ITGB2: variants seen among roughly 807,000 people sequenced by gnomAD.
The protein encoded by ITGB2 is integrin subunit beta 2, also known as integrin beta-2.
ITGB2 carries 56 observed loss-of-function variants against 86.8 expected under a neutral mutation model. The ratio of observed to expected loss-of-function variants is 0.65; its 90% CI spans 0.52 to 0.81. ITGB2 has a LOEUF of 0.81. Ranked by LOEUF, ITGB2 falls within the 30% of genes least tolerant of loss-of-function variation. The pLI, the probability that ITGB2 is intolerant of heterozygous loss-of-function variation, is 0.00. For synonymous variants in ITGB2, 457 were observed against 450.4 expected (o/e 1.01, Z -0.19); for missense variants, 948 against 1,061.2 (o/e 0.89, Z 1.48).
In ITGB2 at chr21:44,897,131, C is replaced by T. The variant is rs539347169; in HGVS notation, c.993+1936G>A. 1.2e-4 allele frequency among the ~76,000 whole-genome samples: 18 copies of T among 152,328 alleles called. No individual in the cohort carries two copies. The East Asian group carries it at 1.7e-3, about 15-fold the overall frequency. ...ACACCTGCCCCCATCCCGTGTCTCC[C>T]GCAGGGTCCTGCTCCCACTCCAGAG... is the stretch of plus-strand genomic sequence containing the variant. On this transcript the variant is annotated intron_variant, in intron 8 of 15. Coordinates refer to ENST00000652462, the MANE Select transcript of ITGB2 (RefSeq NM_000211.5).
chr21:44,913,478 C>A (rs900931615), intron 1 of ITGB2, among the ~76,000 whole-genome samples: 1 of 152,188 alleles, frequency 6.6e-6, no homozygotes, highest in Non-Finnish European at 1.5e-5. Context: ...GGCACCCCAA[C>A]CTTGACCACA....
chr21:44,905,746 C>A (rs563167508), intron 4 of ITGB2, among the ~76,000 whole-genome samples: 35 of 152,266 alleles, frequency 2.3e-4, no homozygotes, highest in East Asian at 5.8e-4. Flanking sequence ...CCCAGGGACA[C>A]CTGGGCCCTG....
At chr21:44,921,743 C>G (rs1192926591), upstream of ITGB2, among the ~76,000 whole-genome samples, 2 of 152,168 alleles carry the variant, frequency 1.3e-5, no homozygotes, top group Non-Finnish European at 2.9e-5. Context: ...TTTTTTGAGA[C>G]AGAGTTTTGC....
rs151190686 is a variant in ITGB2, at chr21:44,899,399, G to A, written c.898-237C>T. 6.5e-3 allele frequency among the ~76,000 whole-genome samples: 987 copies of A among 152,338 alleles called. 9 individuals are homozygous for A. Among genetic ancestry groups the A allele is most frequent in the African/African-American group, 0.022 (913 of 41,580 alleles). ...TCCAGGCATGAGCAGCATTTGAGGCGTCTCACCGTGGGACTGGGGATGTCC... is the reference window on the plus strand; with the variant it reads ...TCCAGGCATGAGCAGCATTTGAGGCATCTCACCGTGGGACTGGGGATGTCC... On this transcript the variant is annotated intron_variant, in intron 7 of 15. Transcript: ENST00000652462.
chr21:44,895,128 T>C lies in ITGB2; in HGVS notation c.994-68A>G. ...GCCACGGCATCTCCACGCACTGGGCTCACCCCAGGGGCTTCTGCACCTGCA... is the reference window on the plus strand; with the variant it reads ...GCCACGGCATCTCCACGCACTGGGCCCACCCCAGGGGCTTCTGCACCTGCA... On this transcript the variant is annotated intron_variant, in intron 8 of 15. Transcript: ENST00000652462. 2.5e-6 allele frequency: 3 copies of C among 1,179,706 alleles called. No individual in the cohort carries two copies. The South Asian group carries it at 3.6e-5, about 14-fold the overall frequency. The allele number at this position is 1,179,706 out of a possible 1,614,324, so 73.1% of individuals were successfully genotyped here.
chr21:44,892,189 G>C (rs142872763), intron 10 of ITGB2, among the ~76,000 whole-genome samples, 193 bp from the exon 11 acceptor site: 2 of 152,200 alleles, frequency 1.3e-5, no homozygotes, highest in East Asian at 3.9e-4. Flanking sequence ...TGCTCTGCCC[G>C]CACTCCCGCA....
intron 1 of ITGB2, among the ~76,000 whole-genome samples, chr21:44,915,427 C>T (rs139878252): frequency 1.1e-4 from 17 of 152,264 alleles, no homozygotes; most frequent in Non-Finnish European, 1.5e-4. Flanking sequence ...CTTCCTCCTG[C>T]CTGTGCTGAA....
Position 44,890,180 on chromosome 21 carries a change from T to C in ITGB2, c.1455A>G (p.Thr485=), listed in dbSNP as rs1264501338. 6.2e-7 allele frequency: 1 copy of C among 1,613,130 alleles called. No individual in the cohort carries two copies. The highest frequency in any genetic ancestry group is 2.2e-5 in the East Asian group (1 of 44,876). ...GYIGKNCECQ[T]QGRSSQELEG... ...CCAGCTCCTGGCTGCTCCGGCCCTG[T>C]GTCTGGCACTCACAGTTTTTCCCAA... The change falls in exon 12 of 16, where the codon ACA becomes ACG. Residue 485 remains threonine (T), a synonymous_variant. Transcript: ENST00000652462.
intron 1 of ITGB2, among the ~76,000 whole-genome samples, chr21:44,918,401 G>T (rs2084242882): frequency 6.6e-6 from 1 of 152,252 alleles, no homozygotes; most frequent in African/African-American, 2.4e-5. Context: ...GCCCGGCCTG[G>T]GCCAGAGTGG....
rs2083767305 is a variant in ITGB2, at chr21:44,890,216, G to A, written c.1419C>T (p.Asp473=). The part of the protein sequence containing the change: ...GFLECGICRC[D]TGYIGKNCEC... ...CACAGTTTTTCCCAATGTAGCCAGTGTCACACCTGGGGACAGGAGGGGCCC... is the reference window on the plus strand; with the variant it reads ...CACAGTTTTTCCCAATGTAGCCAGTATCACACCTGGGGACAGGAGGGGCCC... The change falls in exon 12 of 16, where the codon GAC becomes GAT. Residue 473 remains aspartate (D), a synonymous_variant. Coordinates refer to ENST00000652462, the MANE Select transcript of ITGB2 (RefSeq NM_000211.5). 1 of 1,613,158 alleles carries A rather than the reference G, an allele frequency of 6.2e-7. No homozygotes were observed. The highest frequency in any genetic ancestry group is 8.5e-7 in the Non-Finnish European group (1 of 1,180,002).
chr21:44,906,478 C>T (rs76898275), intron 4 of ITGB2, among the ~76,000 whole-genome samples: 2 of 152,088 alleles, frequency 1.3e-5, no homozygotes, highest in East Asian at 3.9e-4. Flanking sequence ...CTGGTCAAGT[C>T]GAAACAGGTG....
At position 44,909,304 on chromosome 21, in the gene ITGB2, C is replaced by A. The variant is rs183026276; in HGVS notation, c.147+980G>T. The A allele has an allele frequency of 3.9e-4, 60 of 152,432 alleles. 1 individual carries two copies. The highest frequency in any genetic ancestry group is 1.4e-3 in the African/African-American group (57 of 41,582). The allele number at this position is 152,432 out of a possible 1,614,324, so 9.4% of individuals were successfully genotyped here. On this transcript the variant is annotated intron_variant, in intron 3 of 15. Coordinates refer to ENST00000652462, the MANE Select transcript of ITGB2 (RefSeq NM_000211.5). ...CTCATGGGCACTTAGGACACCGTCA[C>A]TGAGGGGCTCCTGCCAAAGCACACC... is the stretch of plus-strand genomic sequence containing the variant.
intron 14 of ITGB2, among the ~76,000 whole-genome samples, chr21:44,888,172 A>G (rs1187983093): frequency 1.3e-5 from 2 of 152,044 alleles, no homozygotes; most frequent in Non-Finnish European, 2.9e-5. Context: ...CACCAAGGTC[A>G]CTGTGGGGCT....
In ITGB2 at chr21:44,910,757, A is replaced by C; in HGVS notation, c.26T>G (p.Leu9Arg). The C allele has an allele frequency of 6.2e-7, 1 of 1,614,026 alleles. No homozygotes were observed. The highest frequency in any genetic ancestry group is 8.5e-7 in the Non-Finnish European group (1 of 1,179,976). ...GAGGGAGAGCAGCCCCACCAGGGCGAGCAGTGGGGGGCGCAGGCCCAGCAT... is the reference window on the plus strand; with the variant it reads ...GAGGGAGAGCAGCCCCACCAGGGCGCGCAGTGGGGGGCGCAGGCCCAGCAT... MLGLRPPL[L>R]ALVGLLSLGC... Residue 9 changes from leucine to arginine, a missense_variant, in exon 2 of 16, where the codon CTC (leucine) becomes CGC (arginine). Leu to Arg is a moderately radical substitution (Grantham distance 102, BLOSUM62 -2). Transcript: ENST00000652462.
chr21:44,895,616 T>C (rs1264170088), intron 8 of ITGB2, among the ~76,000 whole-genome samples: 1 of 151,200 alleles, frequency 6.6e-6, no homozygotes, highest in Non-Finnish European at 1.5e-5. Context: ...CCAAAGTGGG[T>C]GGATCACTGA....
intron 1 of ITGB2, among the ~76,000 whole-genome samples, chr21:44,920,078 G>A (rs560265939): frequency 2.6e-5 from 4 of 152,146 alleles, no homozygotes; most frequent in Non-Finnish European, 4.4e-5. Context: ...ACAGCAAGAC[G>A]TCACCCAGGG....
At chr21:44,902,109 G>A (rs376897367) in intron 5 of ITGB2, among the ~76,000 whole-genome samples, 346 of 152,394 alleles carry the variant, frequency 2.3e-3, no homozygotes, top group African/African-American at 8.0e-3. Flanking sequence ...AACTGTGTGT[G>A]CACGTATTCC....
Position 44,886,155 on chromosome 21 carries a change from C to A in ITGB2, c.*213G>T, listed in dbSNP as rs2146489524. On this transcript the variant is annotated 3_prime_UTR_variant, in exon 16 of 16. Transcript: ENST00000652462. ...AACCTCAAGCCCTCCCTCCTCAAGT[C>A]TCCATGCAAAGACTGTGCCAGTCAG... The A allele has an allele frequency of 3.3e-6, 2 of 605,486 alleles. No homozygotes were observed. 37.5% of individuals were successfully genotyped at this position (605,486 alleles called of 1,614,324 possible).
At chr21:44,894,067 C>A in intron 9 of ITGB2, 1 of 249,264 alleles carries the variant, frequency 4.0e-6, no homozygotes, top group Non-Finnish European at 8.1e-6. Flanking sequence ...TGAGAGGAGG[C>A]AGAGGGACAG....
Sources: allele counts gnomAD v4.1 joint callset (sites outside exome capture counted in the v4.1 genomes callset), GRCh38; gene constraint gnomAD v4.1.1; transcripts MANE v1.5; gene names NCBI Gene and HGNC (gene_info 2026-07-23, HGNC 2026-07-21).